PAG1: variants seen among roughly 807,000 people sequenced by gnomAD.
The protein encoded by PAG1 is phosphoprotein associated with glycosphingolipid-enriched microdomains 1.
Under a neutral mutation model 31.7 loss-of-function variants are expected in PAG1, and 23 were observed. The observed-to-expected ratio is 0.73, with a 90% CI of 0.52 to 1.03. PAG1 has a LOEUF of 1.03. Ranked by LOEUF, PAG1 falls within the 50% of genes least tolerant of loss-of-function variation. PAG1 has a pLI of 0.00. For synonymous variants in PAG1, 214 were observed against 210.3 expected (o/e 1.02, Z -0.15); for missense variants, 473 against 540.7 (o/e 0.87, Z 1.24).
chr8:81,063,404 G>T (rs1431383910), intron 2 of PAG1, among the ~76,000 whole-genome samples: 1 of 152,214 alleles, frequency 6.6e-6, no homozygotes, highest in African/African-American at 2.4e-5. Context: ...CTCTGCGACT[G>T]AACAGGAGAG....
chr8:81,030,879 G>A (rs906222979), intron 2 of PAG1, among the ~76,000 whole-genome samples: 4 of 152,312 alleles, frequency 2.6e-5, no homozygotes, highest in African/African-American at 9.6e-5. Context: ...GGAGGGGAGA[G>A]GGACGGAATG....
chr8:80,980,445 G>A lies in PAG1; in HGVS notation c.926C>T (p.Thr309Ile). 6.3e-7 allele frequency: 1 copy of A among 1,593,844 alleles called. No homozygotes were observed. The highest frequency in any genetic ancestry group is 8.6e-7 in the Non-Finnish European group (1 of 1,161,882). Residue 309 changes from threonine (T) to isoleucine (I), a missense_variant, in exon 8 of 9, where the codon ACA becomes ATA. Thr to Ile is a moderately conservative substitution (Grantham distance 89). Transcript: ENST00000220597. ...AGAAACAAAACTTACCTCTTCTTCT[G>A]TGAGAGTGGGGTCTTCTTCCCGAGA... ...YKSREEDPTLTEEEISAMYSS... is the reference protein window; with the variant it reads ...YKSREEDPTLIEEEISAMYSS...
chr8:81,081,548 T>C (rs569881106), intron 1 of PAG1, among the ~76,000 whole-genome samples: 4 of 152,310 alleles, frequency 2.6e-5, no homozygotes, highest in East Asian at 3.9e-4. Flanking sequence ...ATTACTCATG[T>C]TGCCCTTCTG....
chr8:81,099,837 T>C (rs9987151), intron 1 of PAG1, among the ~76,000 whole-genome samples: 17,439 of 152,220 alleles, frequency 0.11, 2,080 homozygotes, highest in African/African-American at 0.3. Flanking sequence ...CAGTGAATTG[T>C]TCAGTTGAAA....
intron 1 of PAG1, among the ~76,000 whole-genome samples, chr8:81,108,422 C>T (rs529217603): frequency 3.3e-5 from 5 of 152,124 alleles, no homozygotes; most frequent in South Asian, 4.1e-4. Flanking sequence ...GTAGAACTCT[C>T]GAAGAGTTTT....
At position 80,990,105 on chromosome 8, in the gene PAG1, T is replaced by C. The variant is rs1807510035; in HGVS notation, c.177+1374A>G. 1.4e-5 allele frequency among the ~76,000 whole-genome samples: 2 copies of C among 147,756 alleles called. No individual in the cohort carries two copies. Among genetic ancestry groups the C allele is most frequent in the African/African-American group, 5.0e-5 (2 of 40,216 alleles). On this transcript the variant is annotated intron_variant, in intron 5 of 8. Transcript: ENST00000220597. The surrounding 1 kb of genome is among the most constrained non-coding windows in gnomAD (Gnocchi z 5.1). ...GCAGAGCAGGGGCGCTGGGAACAGA[T>C]GAGAAGTGGCGACAATGTGGACAAC...
chr8:81,073,274 TC>T (rs1239479177), intron 1 of PAG1, among the ~76,000 whole-genome samples: 1 of 152,190 alleles, frequency 6.6e-6, no homozygotes, highest in African/African-American at 2.4e-5. Context: ...TCTGCTAGTG[TC>T]CCAAGTGAGT....
intron 1 of PAG1, among the ~76,000 whole-genome samples, chr8:81,106,576 G>C (rs1035067578): frequency 6.6e-6 from 1 of 152,030 alleles, no homozygotes; most frequent in African/African-American, 2.4e-5. Context: ...ATCAAGGATG[G>C]GGGCAAATGA....
At chr8:81,074,255 G>A (rs1328382699) in intron 1 of PAG1, among the ~76,000 whole-genome samples, 1 of 152,208 alleles carries the variant, frequency 6.6e-6, no homozygotes, top group Non-Finnish European at 1.5e-5. Flanking sequence ...ACTCACCAGT[G>A]TAGGTGAAGA....
At chr8:81,048,746 T>C (rs1481249364) in intron 2 of PAG1, among the ~76,000 whole-genome samples, 2 of 152,228 alleles carry the variant, frequency 1.3e-5, no homozygotes, top group Non-Finnish European at 2.9e-5. Context: ...CATTCGTATA[T>C]ATAAATGTAC....
intron 1 of PAG1, among the ~76,000 whole-genome samples, chr8:81,110,264 C>CT (rs1296027603): frequency 6.6e-6 from 1 of 152,148 alleles, no homozygotes; most frequent in Non-Finnish European, 1.5e-5. Context: ...GCAGGAAAGT[C>CT]TTAATATGAC....
chr8:80,994,586 C>G (rs1807632659), intron 3 of PAG1, among the ~76,000 whole-genome samples: 1 of 152,138 alleles, frequency 6.6e-6, no homozygotes, highest in African/African-American at 2.4e-5. Context: ...GGGATGAGTC[C>G]AGCTGTCTCA....
chr8:81,077,474 A>G (rs1809197296), intron 1 of PAG1, among the ~76,000 whole-genome samples: 1 of 152,244 alleles, frequency 6.6e-6, no homozygotes, highest in Non-Finnish European at 1.5e-5. Flanking sequence ...CACTGCAATA[A>G]TGGTAATATT....
chr8:81,079,775 A>G (rs1013623996), intron 1 of PAG1, among the ~76,000 whole-genome samples: 1 of 151,616 alleles, frequency 6.6e-6, no homozygotes, highest in African/African-American at 2.4e-5. Flanking sequence ...TCATTTATTT[A>G]TTTATTTTTT....
rs192499675 is a variant in PAG1, at chr8:81,009,618, T to C, written c.-80-16311A>G. On this transcript the variant is annotated intron_variant, in intron 3 of 8. Coordinates refer to ENST00000220597, the MANE Select transcript of PAG1 (RefSeq NM_018440.4). ...AGTGGTTTTCAACCCTGGCTATCCA[T>C]TGCCAACTTTTTTTTTAAGACAAGG... Among the ~76,000 whole-genome samples, 434 of 152,100 alleles carry C rather than the reference T, an allele frequency of 2.9e-3. 2 individuals carry two copies. Among genetic ancestry groups the C allele is most frequent in the African/African-American group, 9.6e-3 (397 of 41,390 alleles).
chr8:80,996,569 C>G (rs866602994), intron 3 of PAG1, among the ~76,000 whole-genome samples: 1 of 152,184 alleles, frequency 6.6e-6, no homozygotes. Context: ...AGATGGACTT[C>G]CTGGTAAATG....
chr8:81,060,117 C>T (rs1390985590), intron 2 of PAG1, among the ~76,000 whole-genome samples: 1 of 151,938 alleles, frequency 6.6e-6, no homozygotes, highest in Non-Finnish European at 1.5e-5. Context: ...ATTTGTGTTT[C>T]TGCACTGGAC....
At chr8:80,996,180 T>G (rs566873278) in intron 3 of PAG1, among the ~76,000 whole-genome samples, 1 of 152,382 alleles carries the variant, frequency 6.6e-6, no homozygotes, top group East Asian at 1.9e-4. Flanking sequence ...GCAGGAGGAC[T>G]GTGGGACACC....
intron 1 of PAG1, among the ~76,000 whole-genome samples, chr8:81,091,316 A>C (rs73692340): frequency 0.013 from 2,029 of 152,246 alleles, 50 homozygotes; most frequent in African/African-American, 0.046. Context: ...TGTATCAGGC[A>C]CCTAAGGGAT....
Sources: gnomAD v4.1 joint callset for allele counts (sites outside exome capture counted in the v4.1 genomes callset) on GRCh38, gnomAD v4.1.1 for gene constraint, Gnocchi (gnomAD v3.1) non-coding constraint, MANE v1.5 for transcripts, NCBI Gene and HGNC (gene_info 2026-07-23, HGNC 2026-07-21) for gene names.